The following HSPB8 variants were observed in gnomAD, a reference collection of about 807,000 sequenced individuals.
The protein encoded by HSPB8 is heat shock protein beta-8.
A neutral mutation model predicts 16.5 loss-of-function variants in HSPB8; 9 were observed. The observed-to-expected ratio is 0.55, with a 90% CI of 0.33 to 0.95. The LOEUF (loss-of-function observed/expected upper bound fraction) is 0.95. Ranked by LOEUF, HSPB8 falls within the 40% of genes least tolerant of loss-of-function variation. The pLI is 0.03. For synonymous variants in HSPB8, 99 were observed against 94.8 expected, an observed-to-expected ratio of 1.04 and a Z score of -0.26; for missense variants, 238 against 251.2, an observed-to-expected ratio of 0.95 and a Z score of 0.35.
chr12:119,181,346 C>T (rs1378324336), intron 1 of HSPB8, among the ~76,000 whole-genome samples: 2 of 152,174 alleles, frequency 1.3e-5, no homozygotes, highest in East Asian at 1.9e-4. Context: ...TCTAGAAATG[C>T]AGGACAACTT....
At position 119,194,129 on chromosome 12, in the gene HSPB8, T is replaced by C. The variant is rs1954730077; in HGVS notation, c.*271T>C. ...CTTGATGAAAATGTTGCACATTCTA[T>C]AGTTGCAAAACACATAAAAGGGGAC... On this transcript the variant is annotated 3_prime_UTR_variant, in exon 3 of 3. Transcript: ENST00000281938. The C allele has an allele frequency of 4.0e-6, 2 of 500,670 alleles. No homozygotes were observed. Among genetic ancestry groups the C allele is most frequent in the Admixed American group, 3.2e-5 (1 of 30,782 alleles). 31.0% of individuals were successfully genotyped at this position (500,670 alleles called of 1,614,324 possible).
chr12:119,188,219 C>T (rs1267527482), intron 2 of HSPB8, among the ~76,000 whole-genome samples: 1 of 151,470 alleles, frequency 6.6e-6, no homozygotes, highest in Non-Finnish European at 1.5e-5. Flanking sequence ...GCGTTTCTGG[C>T]CCCTAAACTC....
At chr12:119,189,302 G>GGGGT (rs774407484) in intron 2 of HSPB8, among the ~76,000 whole-genome samples, 4 of 143,408 alleles carry the variant, frequency 2.8e-5, no homozygotes, top group African/African-American at 5.2e-5. Flanking sequence ...TCTTAAAAGG[G>GGGGT]GTGTGTGTGT....
rs145035772 is a variant in HSPB8 at position 119,186,909 on chromosome 12, T to C, written c.368-116T>C. On this transcript the variant is annotated intron_variant, in intron 1 of 2. Coordinates refer to ENST00000281938, the MANE Select transcript of HSPB8 (RefSeq NM_014365.3). Reference sequence around the variant, plus strand: ...GCTTAGATAACTAGAGTCTCTAGGGTAGGCCTAAGTCACACAGCAAGGCAG... The same window carrying C: ...GCTTAGATAACTAGAGTCTCTAGGGCAGGCCTAAGTCACACAGCAAGGCAG... 3.0e-4 allele frequency: 271 copies of C among 916,508 alleles called. 1 individual carries two copies. The African/African-American group carries it at 4.1e-3, about 14-fold the overall frequency. 56.8% of individuals were successfully genotyped at this position (916,508 alleles called of 1,614,324 possible).
intron 2 of HSPB8, among the ~76,000 whole-genome samples, chr12:119,191,599 G>GAA (rs5801319): frequency 1.3e-3 from 183 of 145,010 alleles, no homozygotes; most frequent in Middle Eastern, 3.6e-3. Context: ...AAGAAAGAAA[G>GAA]AAAAAAAAAA....
intron 2 of HSPB8, among the ~76,000 whole-genome samples, chr12:119,188,244 TC>T (rs772447432): frequency 8.2e-4 from 106 of 129,326 alleles, no homozygotes; most frequent in Middle Eastern, 4.1e-3. Context: ...TCTCTCTCTC[TC>T]TCTTTTTTTT....
At chr12:119,190,666 C>A (rs1190139713) in intron 2 of HSPB8, among the ~76,000 whole-genome samples, 1 of 151,862 alleles carries the variant, frequency 6.6e-6, no homozygotes. Context: ...TCTTTTAGAT[C>A]ATCTCATTTT....
intron 1 of HSPB8, among the ~76,000 whole-genome samples, chr12:119,180,108 G>T (rs1954627461): frequency 6.6e-6 from 1 of 152,180 alleles, no homozygotes; most frequent in Admixed American, 6.5e-5. Flanking sequence ...ACCGCAACTG[G>T]TTTCCGGTGA....
intron 1 of HSPB8, among the ~76,000 whole-genome samples, chr12:119,181,199 T>C (rs1954634731): frequency 1.3e-5 from 2 of 152,170 alleles, no homozygotes; most frequent in Non-Finnish European, 2.9e-5. Flanking sequence ...TTTGCCGAGG[T>C]TGAGGACACT....
intron 2 of HSPB8, among the ~76,000 whole-genome samples, chr12:119,192,541 A>T (rs547238490): frequency 2.0e-5 from 3 of 152,066 alleles, no homozygotes; most frequent in Non-Finnish European, 4.4e-5. Context: ...TGTAATCCAC[A>T]CTACTCAGGA....
chr12:119,191,601 A>AAG (rs1210021555), intron 2 of HSPB8, among the ~76,000 whole-genome samples: 1 of 150,662 alleles, frequency 6.6e-6, no homozygotes, highest in Non-Finnish European at 1.5e-5. Flanking sequence ...GAAAGAAAGA[A>AAG]AAAAAAAAAA....
chr12:119,183,758 T>C (rs943466367), intron 1 of HSPB8, among the ~76,000 whole-genome samples: 1 of 152,174 alleles, frequency 6.6e-6, no homozygotes, highest in African/African-American at 2.4e-5. Context: ...TCTCTTTAAA[T>C]GAGGTTAACC....
rs1195893384 is a variant in HSPB8, at chr12:119,194,107, G to A, written c.*249G>A. The A allele has an allele frequency of 1.3e-5, 7 of 545,426 alleles. No individual in the cohort carries two copies. The highest frequency in any genetic ancestry group is 6.2e-5 in the Admixed American group (2 of 32,346). The allele number at this position is 545,426 out of a possible 1,614,324, so 33.8% of individuals were successfully genotyped here. A position where few individuals can be genotyped will look rare whatever the true frequency, so the allele number is the denominator to read the frequency against. On this transcript the variant is annotated 3_prime_UTR_variant, in exon 3 of 3. Coordinates refer to ENST00000281938, the MANE Select transcript of HSPB8 (RefSeq NM_014365.3). ...TTGCTTTCTTTACCTTTTCTATCTTGATGAAAATGTTGCACATTCTATAGT... is the reference window on the plus strand; with the variant it reads ...TTGCTTTCTTTACCTTTTCTATCTTAATGAAAATGTTGCACATTCTATAGT...
chr12:119,193,030 T>G (rs1954722159), intron 2 of HSPB8, among the ~76,000 whole-genome samples: 1 of 152,126 alleles, frequency 6.6e-6, no homozygotes, highest in Non-Finnish European at 1.5e-5. Flanking sequence ...GAGCTACAAT[T>G]CAATATGAGA....
intron 1 of HSPB8, 46 bp from the exon 2 acceptor site, chr12:119,186,979 C>G (rs775907224): frequency 1.9e-6 from 3 of 1,585,622 alleles, no homozygotes; most frequent in Non-Finnish European, 2.6e-6. Flanking sequence ...CTGAAGGATG[C>G]CCAAGGAACA....
chr12:119,190,340 G>A (rs1307950638), intron 2 of HSPB8, among the ~76,000 whole-genome samples: 1 of 152,188 alleles, frequency 6.6e-6, no homozygotes, highest in Non-Finnish European at 1.5e-5. Context: ...GTCATTAGAG[G>A]ACAGGGAGAT....
At chr12:119,191,373 C>G (rs1218768819) in intron 2 of HSPB8, among the ~76,000 whole-genome samples, 3 of 152,176 alleles carry the variant, frequency 2.0e-5, no homozygotes, top group Non-Finnish European at 4.4e-5. Flanking sequence ...CATGGTTAAA[C>G]AGTCAGCCCA....
chr12:119,181,072 G>T (rs1447740339), intron 1 of HSPB8, among the ~76,000 whole-genome samples: 1 of 152,206 alleles, frequency 6.6e-6, no homozygotes, highest in Non-Finnish European at 1.5e-5. Context: ...GGAAATTAGG[G>T]TTCAAATGGT....
chr12:119,187,089 G>A lies in HSPB8; in HGVS notation c.431+1G>A. Reference sequence around the variant, plus strand: ...CTAAGAACTTCACAAAGAAAATCCAGTAAGTAACCTGGAGTCATGGAGCTC... The same window carrying A: ...CTAAGAACTTCACAAAGAAAATCCAATAAGTAACCTGGAGTCATGGAGCTC... On this transcript the variant is annotated splice_donor_variant, in intron 2 of 2. Transcript: ENST00000281938. LOFTEE classifies it high-confidence loss of function. The A allele has an allele frequency of 6.2e-7, 1 of 1,613,436 alleles. No individual in the cohort carries two copies. Among genetic ancestry groups the A allele is most frequent in the Non-Finnish European group, 8.5e-7 (1 of 1,179,408 alleles).
Sources: gnomAD v4.1 joint callset for allele counts (sites outside exome capture counted in the v4.1 genomes callset) on GRCh38, gnomAD v4.1.1 for gene constraint, MANE v1.5 for transcripts, NCBI Gene and HGNC (gene_info 2026-07-23, HGNC 2026-07-21) for gene names.